The following CELF2 variants were observed in gnomAD, a reference collection of about 807,000 sequenced individuals.
The protein encoded by CELF2 is CUG triplet repeat RNA-binding protein 2.
CELF2 carries 8 observed loss-of-function variants against 62.6 expected under a neutral mutation model. That is an observed-to-expected ratio of 0.13 (90% confidence interval 0.07 to 0.23). The LOEUF (loss-of-function observed/expected upper bound fraction) is 0.23, where lower values mean the gene tolerates loss of function less well. CELF2 is among the 10% of genes least tolerant of loss of function. The pLI, the probability that CELF2 is intolerant of heterozygous loss-of-function variation, is 1.00. For synonymous variants in CELF2, 258 were observed against 250.0 expected, an observed-to-expected ratio of 1.03 and a Z score of -0.30; for missense variants, 333 against 671.0, an observed-to-expected ratio of 0.50 and a Z score of 5.56.
At chr10:10,510,367 C>G in the CELF2 span, among the ~76,000 whole-genome samples, 2 of 152,194 alleles carry the variant, frequency 1.3e-5, no homozygotes, top group African/African-American at 4.8e-5. Context: ...TGCAATACTT[C>G]TTTTAGGTTG....
the CELF2 span, among the ~76,000 whole-genome samples, chr10:10,540,614 T>C: frequency 6.6e-6 from 1 of 152,082 alleles, no homozygotes; most frequent in Non-Finnish European, 1.5e-5. Context: ...GCCAAATCAG[T>C]GAATATTACA....
chr10:10,717,445 A>G, the CELF2 span, among the ~76,000 whole-genome samples: 2 of 152,206 alleles, frequency 1.3e-5, no homozygotes, highest in African/African-American at 4.8e-5. Context: ...TGTCTTTTTA[A>G]ACTAATTTAT....
the CELF2 span, among the ~76,000 whole-genome samples, chr10:10,774,728 T>C: frequency 2.0e-5 from 3 of 152,122 alleles, no homozygotes; most frequent in Non-Finnish European, 4.4e-5. Flanking sequence ...GGTATTTCTT[T>C]ATGGCAGTGT....
At chr10:10,764,315 G>T in the CELF2 span, among the ~76,000 whole-genome samples, 2 of 152,180 alleles carry the variant, frequency 1.3e-5, no homozygotes, top group Admixed American at 6.5e-5. Context: ...CATACTTTCT[G>T]CAAAAATTCC....
At chr10:10,715,657 A>G in the CELF2 span, among the ~76,000 whole-genome samples, 2 of 152,330 alleles carry the variant, frequency 1.3e-5, no homozygotes, top group East Asian at 3.9e-4. Flanking sequence ...TCTTTGGTAG[A>G]AGAGTTGGTG....
chr10:10,651,714 C>T, the CELF2 span, among the ~76,000 whole-genome samples: 1 of 151,686 alleles, frequency 6.6e-6, no homozygotes, highest in Non-Finnish European at 1.5e-5. Flanking sequence ...ACCGAAAACC[C>T]ATCTGTACAT....
chr10:10,641,620 T>C, the CELF2 span, among the ~76,000 whole-genome samples: 1 of 152,052 alleles, frequency 6.6e-6, no homozygotes, highest in Non-Finnish European at 1.5e-5. Context: ...TTTGTATTTT[T>C]AGTAGAGACA....
the CELF2 span, among the ~76,000 whole-genome samples, chr10:10,515,888 A>G: frequency 6.6e-6 from 1 of 152,246 alleles, no homozygotes; most frequent in Non-Finnish European, 1.5e-5. Context: ...TTAATGATGG[A>G]TGATGTCACT....
At chr10:10,504,678 TG>T in the CELF2 span, among the ~76,000 whole-genome samples, 1 of 152,156 alleles carries the variant, frequency 6.6e-6, no homozygotes, top group African/African-American at 2.4e-5. Flanking sequence ...TAGATATTTT[TG>T]TTATAGCCCT....
At chr10:11,173,116 C>T (rs1260082382) in intron 2 of CELF2, among the ~76,000 whole-genome samples, 2 of 152,166 alleles carry the variant, frequency 1.3e-5, no homozygotes, top group African/African-American at 4.8e-5. Flanking sequence ...TTATTTGCAG[C>T]CAGCAAGAAA....
chr10:10,571,235 G>A, the CELF2 span, among the ~76,000 whole-genome samples: 2 of 152,130 alleles, frequency 1.3e-5, no homozygotes, highest in Non-Finnish European at 2.9e-5. Context: ...GACAGTTGAA[G>A]ACATTAGAGC....
intron 1 of CELF2, among the ~76,000 whole-genome samples, chr10:10,868,426 G>A (rs2060519792): frequency 6.6e-6 from 1 of 152,228 alleles, no homozygotes; most frequent in Non-Finnish European, 1.5e-5. Flanking sequence ...ACTCCAAGAG[G>A]CAGGAAGAAG....
chr10:10,669,339 T>C, the CELF2 span, among the ~76,000 whole-genome samples: 1 of 152,358 alleles, frequency 6.6e-6, no homozygotes, highest in Non-Finnish European at 1.5e-5. Flanking sequence ...TAAAATGTTT[T>C]ATTATGCTGA....
At chr10:11,192,088 A>T (rs1404243810) in intron 2 of CELF2, among the ~76,000 whole-genome samples, 2 of 152,230 alleles carry the variant, frequency 1.3e-5, no homozygotes, top group African/African-American at 4.8e-5. Context: ...TTAAGGAGCC[A>T]GCTGTCCCAC....
the CELF2 span, among the ~76,000 whole-genome samples, chr10:10,512,704 C>T: frequency 2.6e-5 from 4 of 152,148 alleles, no homozygotes; most frequent in East Asian, 1.9e-4. Flanking sequence ...CGTAAGCCAC[C>T]GCTCCTGGTC....
chr10:10,527,184 G>T, the CELF2 span, among the ~76,000 whole-genome samples: 1 of 152,208 alleles, frequency 6.6e-6, no homozygotes, highest in African/African-American at 2.4e-5. Context: ...GCTCACGCCT[G>T]TTATCCCAGC....
At chr10:10,897,486 TAA>T (rs1392475217) in intron 1 of CELF2, among the ~76,000 whole-genome samples, 1 of 152,132 alleles carries the variant, frequency 6.6e-6, no homozygotes, top group African/African-American at 2.4e-5. Flanking sequence ...GAGTAACTAT[TAA>T]ACAAAGAAGG....
At chr10:10,925,540 T>A (rs112596332) in intron 2 of CELF2, among the ~76,000 whole-genome samples, 1,584 of 152,128 alleles carry the variant, frequency 0.01, 24 homozygotes, top group African/African-American at 0.036. Context: ...CCCAGTGCTA[T>A]GGGAAAGTGT....
chr10:10,622,878 G>T, the CELF2 span, among the ~76,000 whole-genome samples: 1 of 151,496 alleles, frequency 6.6e-6, no homozygotes, highest in Admixed American at 6.6e-5. Flanking sequence ...TGGATCACGA[G>T]GTCAGGAGAT....
Sources: gnomAD v4.1 joint callset for allele counts (sites outside exome capture counted in the v4.1 genomes callset) on GRCh38, gnomAD v4.1.1 for gene constraint, MANE v1.5 for transcripts, NCBI Gene and HGNC (gene_info 2026-07-23, HGNC 2026-07-21) for gene names.